The following SAMD5 variants were observed in gnomAD, a reference collection of about 807,000 sequenced individuals.
SAMD5 encodes sterile alpha motif domain-containing protein 5.
A neutral mutation model predicts 11.3 loss-of-function variants in SAMD5; 13 were observed. That is an observed-to-expected ratio of 1.15 (90% CI 0.75 to 1.83). SAMD5 has a LOEUF of 1.83. Ranked by LOEUF, SAMD5 falls within the 40% of genes most tolerant of loss-of-function variation. The probability of loss-of-function intolerance (pLI) is 0.00; values close to 1 mark genes in which losing one functional copy is unlikely to be tolerated. For synonymous variants in SAMD5, 129 were observed against 111.3 expected, an observed-to-expected ratio of 1.16 and a Z score of -1.00; for missense variants, 255 against 239.1, an observed-to-expected ratio of 1.07 and a Z score of -0.44.
At chr6:147,929,796 C>T in the SAMD5 span, among the ~76,000 whole-genome samples, 1 of 152,166 alleles carries the variant, frequency 6.6e-6, no homozygotes, top group Non-Finnish European at 1.5e-5. Context: ...TACAGCTCTC[C>T]TTTGATACAC....
At chr6:147,615,932 A>G (rs1789860432) in intron 1 of SAMD5, among the ~76,000 whole-genome samples, 1 of 152,066 alleles carries the variant, frequency 6.6e-6, no homozygotes, top group Non-Finnish European at 1.5e-5. Flanking sequence ...TTTTATGTTG[A>G]TAAAACAAAA....
At chr6:147,697,562 T>C (rs1791193992) in intron 1 of SAMD5, among the ~76,000 whole-genome samples, 1 of 152,224 alleles carries the variant, frequency 6.6e-6, no homozygotes, top group Non-Finnish European at 1.5e-5. Context: ...ATCACTTGAT[T>C]AATTATTTTT....
At chr6:147,517,472 G>A (rs192343919) in intron 1 of SAMD5, among the ~76,000 whole-genome samples, 1 of 152,324 alleles carries the variant, frequency 6.6e-6, no homozygotes, top group East Asian at 1.9e-4. Context: ...TGCTGACCCA[G>A]ATCTTATTCC....
chr6:147,519,377 C>G (rs1313717940), intron 1 of SAMD5, among the ~76,000 whole-genome samples: 1 of 152,058 alleles, frequency 6.6e-6, no homozygotes, highest in Non-Finnish European at 1.5e-5. Flanking sequence ...AGTTTTAAAG[C>G]ATTTAATAAT....
chr6:147,564,356 G>A, intron 1 of SAMD5, 38 bp from the exon 2 acceptor site: 1 of 778,844 alleles, frequency 1.3e-6, no homozygotes, highest in Non-Finnish European at 2.4e-6. Context: ...AATGGGTAAA[G>A]GAGAACTTCA....
chr6:147,897,870 G>A, the SAMD5 span, among the ~76,000 whole-genome samples: 7 of 149,172 alleles, frequency 4.7e-5, no homozygotes, highest in South Asian at 2.1e-4. Flanking sequence ...ACTTGAAGCC[G>A]GGAGGCAGAG....
the SAMD5 span, among the ~76,000 whole-genome samples, chr6:147,861,052 C>G: frequency 6.6e-6 from 1 of 152,190 alleles, no homozygotes; most frequent in Non-Finnish European, 1.5e-5. Flanking sequence ...AAGTCACTGG[C>G]CTTTCCCGCT....
chr6:147,601,916 C>T (rs1789621052), intron 1 of SAMD5, among the ~76,000 whole-genome samples: 1 of 152,166 alleles, frequency 6.6e-6, no homozygotes, highest in Non-Finnish European at 1.5e-5. Flanking sequence ...TATCTTGGTG[C>T]ATTGCCTCCT....
chr6:147,625,628 C>G (rs889236307), intron 1 of SAMD5, among the ~76,000 whole-genome samples: 7 of 152,230 alleles, frequency 4.6e-5, no homozygotes, highest in Admixed American at 6.5e-5. Flanking sequence ...CAGCCTTATC[C>G]CCAGTCAGCA....
At chr6:147,917,248 TC>T in the SAMD5 span, among the ~76,000 whole-genome samples, 6 of 142,234 alleles carry the variant, frequency 4.2e-5, no homozygotes, top group South Asian at 2.4e-4. Flanking sequence ...TGATTGCCAT[TC>T]TAACAGGTGT....
the SAMD5 span, among the ~76,000 whole-genome samples, chr6:147,818,025 C>CT: frequency 1.3e-5 from 2 of 152,136 alleles, no homozygotes; most frequent in Non-Finnish European, 2.9e-5. Context: ...GGGTAGCTTA[C>CT]TTTTTTTGGA....
chr6:147,841,596 G>A, the SAMD5 span, among the ~76,000 whole-genome samples: 1 of 152,184 alleles, frequency 6.6e-6, no homozygotes, highest in Non-Finnish European at 1.5e-5. Flanking sequence ...TGGTTTTCCT[G>A]CCGTCTAACC....
chr6:147,927,786 G>T, the SAMD5 span, among the ~76,000 whole-genome samples: 1 of 152,148 alleles, frequency 6.6e-6, no homozygotes, highest in Non-Finnish European at 1.5e-5. Context: ...CATTCAGTAT[G>T]ATGTTGGTGG....
At chr6:147,741,457 T>C (rs1218783133), downstream of SAMD5, 1 of 152,230 alleles carries the variant, frequency 6.6e-6, no homozygotes, top group African/African-American at 2.4e-5. Flanking sequence ...ATGTTGGTTT[T>C]ATTAGTACTA....
intron 1 of SAMD5, among the ~76,000 whole-genome samples, chr6:147,641,548 C>A (rs1256132448): frequency 2.0e-5 from 3 of 150,464 alleles, no homozygotes; most frequent in African/African-American, 7.3e-5. Flanking sequence ...AACAAACTAA[C>A]TCTCTTTCTC....
chr6:147,578,803 A>G (rs1207638043), intron 1 of SAMD5, among the ~76,000 whole-genome samples: 1 of 144,986 alleles, frequency 6.9e-6, no homozygotes, highest in Non-Finnish European at 1.5e-5. Context: ...AAAAAAAAAA[A>G]CCCAATCTAT....
At chr6:147,703,711 A>G (rs1326744496) in intron 1 of SAMD5, among the ~76,000 whole-genome samples, 2 of 152,168 alleles carry the variant, frequency 1.3e-5, no homozygotes, top group African/African-American at 4.8e-5. Context: ...GGTACAATTT[A>G]GAGATATTGT....
At chr6:147,593,283 G>C (rs185779070) in intron 1 of SAMD5, among the ~76,000 whole-genome samples, 1 of 152,262 alleles carries the variant, frequency 6.6e-6, no homozygotes, top group East Asian at 1.9e-4. Flanking sequence ...ACAGAGCTGA[G>C]AGTCTAGTAG....
chr6:147,617,983 C>G (rs535836526), intron 1 of SAMD5, among the ~76,000 whole-genome samples: 2 of 152,296 alleles, frequency 1.3e-5, no homozygotes, highest in African/African-American at 4.8e-5. Flanking sequence ...GTTCAACAAA[C>G]ATTTATTGAG....
Sources: allele counts gnomAD v4.1 joint callset (sites outside exome capture counted in the v4.1 genomes callset), GRCh38; gene constraint gnomAD v4.1.1; transcripts MANE v1.5; gene names NCBI Gene and HGNC (gene_info 2026-07-23, HGNC 2026-07-21).